Variants in LRRC9 observed in about 807,000 individuals in gnomAD.
The protein encoded by LRRC9 is leucine rich repeat containing 9, also known as leucine-rich repeat-containing protein 9.
A neutral mutation model predicts 63.2 loss-of-function variants in LRRC9; 122 were observed. The observed-to-expected ratio is 1.93, with a 90% CI of 1.67 to 2.24. The LOEUF is 2.24. Among genes scored for constraint, LRRC9 ranks in the 30% most tolerant of loss-of-function variants. The probability of loss-of-function intolerance (pLI) is 0.00; values close to 1 mark genes in which losing one functional copy is unlikely to be tolerated. For missense variants in LRRC9, 1,071 were observed against 627.7 expected, an observed-to-expected ratio of 1.71 and a Z score of -7.55; for synonymous variants, 366 against 213.1, an observed-to-expected ratio of 1.72 and a Z score of -6.25.
At position 59,985,236 on chromosome 14, in the gene LRRC9, T is replaced by G; in HGVS notation, c.2211+12T>G. The stretch of plus-strand genomic sequence containing the variant: ...ATGTATACCACTTGGTAAGAATTGT[T>G]CCTTTGAATCTAAAAAAGTGAAACT... On this transcript the variant is annotated intron_variant, in intron 17 of 31. Coordinates refer to ENST00000445360, the Ensembl canonical transcript of LRRC9. The G allele has an allele frequency of 1.6e-6, 1 of 619,194 alleles. No individual in the cohort carries two copies. Among genetic ancestry groups the G allele is most frequent in the Non-Finnish European group, 3.0e-6 (1 of 337,228 alleles). 38.4% of individuals were successfully genotyped at this position (619,194 alleles called of 1,614,324 possible).
chr14:59,999,296 T>C, intron 19 of LRRC9, 70 bp downstream of exon 19: 2 of 600,990 alleles, frequency 3.3e-6, no homozygotes, highest in Non-Finnish European at 5.9e-6. Context: ...ATACTCTTTT[T>C]CTGTCATTAA....
At chr14:60,055,234 C>G (rs1698842740) in intron 30 of LRRC9, among the ~76,000 whole-genome samples, 2 of 152,154 alleles carry the variant, frequency 1.3e-5, no homozygotes, top group South Asian at 4.1e-4. Flanking sequence ...TGGACTATAT[C>G]TACAAATTTT....
rs1455174998 is a variant in LRRC9 at position 59,993,590 on chromosome 14, T to C, written c.2212-4066T>C. 2.6e-5 allele frequency among the ~76,000 whole-genome samples: 4 copies of C among 152,194 alleles called. No individual in the cohort carries two copies. The South Asian group carries it at 6.2e-4, about 24-fold the overall frequency. Reference sequence around the variant, plus strand: ...CCCATCTCACGTGCAGAGACACACATAGGCTCAAAATAAAGGGAGGGAGGA... The same window carrying C: ...CCCATCTCACGTGCAGAGACACACACAGGCTCAAAATAAAGGGAGGGAGGA... On this transcript the variant is annotated intron_variant, in intron 17 of 31. Coordinates refer to ENST00000445360, the Ensembl canonical transcript of LRRC9.
chr14:59,966,773 G>A lies in LRRC9; in HGVS notation c.1388+8G>A, dbSNP rs1208494332. 4.9e-6 allele frequency: 3 copies of A among 612,420 alleles called. No individual in the cohort carries two copies. Among genetic ancestry groups the A allele is most frequent in the Admixed American group, 5.4e-5 (2 of 36,754 alleles). 37.9% of individuals were successfully genotyped at this position (612,420 alleles called of 1,614,324 possible). A position where few individuals can be genotyped will look rare whatever the true frequency, so the allele number is the denominator to read the frequency against. On this transcript the variant is annotated splice_region_variant and intron_variant, in intron 11 of 31. Coordinates refer to ENST00000445360, the Ensembl canonical transcript of LRRC9. The surrounding 1 kb of genome is among the most constrained non-coding windows in gnomAD (Gnocchi z 4.0). The stretch of plus-strand genomic sequence containing the variant: ...AGATATGCATGATTCAGAGTAAGAA[G>A]CTGAATTCTTTATGGAACAACTTTA...
intron 28 of LRRC9, among the ~76,000 whole-genome samples, chr14:60,028,939 G>A (rs1891769422): frequency 6.6e-6 from 1 of 152,066 alleles, no homozygotes; most frequent in Admixed American, 6.6e-5. Context: ...TTTTCTGGGG[G>A]AGATTTTTTT....
chr14:60,052,227 G>A (rs192991246), intron 29 of LRRC9, among the ~76,000 whole-genome samples: 4 of 152,332 alleles, frequency 2.6e-5, no homozygotes, highest in African/African-American at 7.2e-5. Context: ...AAGGGAAGAA[G>A]GAAGGAAGGA....
chr14:60,012,978 CTTTAAG>C (rs1361382937), intron 23 of LRRC9, among the ~76,000 whole-genome samples: 1 of 149,516 alleles, frequency 6.7e-6, no homozygotes, highest in Admixed American at 6.7e-5. Flanking sequence ...TATTATTATA[CTTTAAG>C]TTTTAGGGTA....
intron 27 of LRRC9, among the ~76,000 whole-genome samples, chr14:60,024,589 T>C (rs1361051149): frequency 6.6e-6 from 1 of 152,058 alleles, no homozygotes; most frequent in East Asian, 1.9e-4. Flanking sequence ...TGAATGCATC[T>C]ATCAAAAGCA....
chr14:59,944,686 G>A, exon 8 of LRRC9: 1 of 664,876 alleles, frequency 1.5e-6, no homozygotes, highest in Admixed American at 2.3e-5. Flanking sequence ...GATCAAAAAT[G>A]CAAATTACAA....
chr14:60,024,493 G>A (rs971168338), intron 27 of LRRC9, among the ~76,000 whole-genome samples: 1 of 151,922 alleles, frequency 6.6e-6, no homozygotes, highest in Non-Finnish European at 1.5e-5. Context: ...TCCATCAGTG[G>A]GACATGTGGG....
At chr14:59,995,008 T>A (rs75322553) in intron 17 of LRRC9, among the ~76,000 whole-genome samples, 1 of 149,544 alleles carries the variant, frequency 6.7e-6, no homozygotes. Context: ...GAAAGTATAA[T>A]AAAAAAAAAA....
At chr14:59,955,171 G>A (rs147283384) in intron 8 of LRRC9, among the ~76,000 whole-genome samples, 2,179 of 152,302 alleles carry the variant, frequency 0.014, 53 homozygotes, top group East Asian at 0.059. Flanking sequence ...ATGAGTTAGG[G>A]AGGAGTCCCT....
At position 60,058,647 on chromosome 14, in the gene LRRC9, A is replaced by G. The variant is rs942987178; in HGVS notation, c.4276+625A>G. Among the ~76,000 whole-genome samples the G allele has an allele frequency of 6.6e-6, 1 of 152,138 alleles. No homozygotes were observed. The highest frequency in any genetic ancestry group is 1.5e-5 in the Non-Finnish European group (1 of 68,012). On this transcript the variant is annotated intron_variant, in intron 31 of 31. Coordinates refer to ENST00000445360, the Ensembl canonical transcript of LRRC9. The surrounding 1 kb of genome is among the most constrained non-coding windows in gnomAD (Gnocchi z 4.4). ...TAATTCCACATCTTTTCTGGTTATC[A>G]TTTTGGCAAAACTGGGGGTAAGTAC... is the stretch of plus-strand genomic sequence containing the variant.
At chr14:60,052,424 G>C (rs1423109172) in intron 29 of LRRC9, among the ~76,000 whole-genome samples, 1 of 152,078 alleles carries the variant, frequency 6.6e-6, no homozygotes, top group Non-Finnish European at 1.5e-5. Flanking sequence ...TGGTTACATA[G>C]GCACACTCTT....
intron 28 of LRRC9, among the ~76,000 whole-genome samples, chr14:60,029,824 A>T (rs931288917): frequency 1.3e-5 from 2 of 152,132 alleles, no homozygotes; most frequent in African/African-American, 2.4e-5. Flanking sequence ...TTATTTAATG[A>T]CCAGCTCTTC....
At chr14:59,974,944 C>T (rs182839927) in intron 13 of LRRC9, among the ~76,000 whole-genome samples, 233 of 149,894 alleles carry the variant, frequency 1.6e-3, no homozygotes, top group African/African-American at 5.5e-3. Context: ...ACATTTGTTA[C>T]TCAGATATTT....
intron 19 of LRRC9, among the ~76,000 whole-genome samples, 153 bp from the exon 20 acceptor site, chr14:60,001,813 G>T (rs770432699): frequency 3.3e-5 from 5 of 152,064 alleles, no homozygotes; most frequent in African/African-American, 1.2e-4. Flanking sequence ...AATGTATCTA[G>T]ATATTGAAAA....
chr14:60,037,488 G>A (rs1892545527), intron 29 of LRRC9, among the ~76,000 whole-genome samples: 1 of 152,116 alleles, frequency 6.6e-6, no homozygotes, highest in Non-Finnish European at 1.5e-5. Context: ...TCTCATTGTG[G>A]TTTTGATTTG....
intron 19 of LRRC9, among the ~76,000 whole-genome samples, chr14:59,999,846 AAAT>A (rs1372714090): frequency 1.3e-5 from 2 of 152,188 alleles, no homozygotes; most frequent in East Asian, 3.9e-4. Flanking sequence ...TATTGATAAA[AAAT>A]AATAATAACA....
Sources: allele counts gnomAD v4.1 joint callset (sites outside exome capture counted in the v4.1 genomes callset), GRCh38; gene constraint gnomAD v4.1.1; non-coding constraint Gnocchi (gnomAD v3.1); transcripts MANE v1.5; gene names NCBI Gene and HGNC (gene_info 2026-07-23, HGNC 2026-07-21).